The following CBLB variants were observed in gnomAD, a reference collection of about 807,000 sequenced individuals.
The protein encoded by CBLB is Cbl proto-oncogene B.
In CBLB, 31 loss-of-function variants were observed where a neutral mutation model predicts 104.9. The ratio of observed to expected loss-of-function variants is 0.30; its 90% confidence interval spans 0.22 to 0.40. The LOEUF (loss-of-function observed/expected upper bound fraction) is 0.40. Among genes scored for constraint, CBLB ranks in the 10% least tolerant of loss-of-function variants. CBLB has a pLI of 1.00. For synonymous variants in CBLB, 440 were observed against 422.6 expected (o/e 1.04, Z -0.51); for missense variants, 1,062 against 1,214.6 (o/e 0.87, Z 1.87).
At chr3:105,793,407 A>T (rs1436022726) in intron 3 of CBLB, among the ~76,000 whole-genome samples, 1 of 151,128 alleles carries the variant, frequency 6.6e-6, no homozygotes, top group Non-Finnish European at 1.5e-5. Context: ...GTCTTTTCAT[A>T]AGGAACTGAT....
intron 2 of CBLB, among the ~76,000 whole-genome samples, chr3:105,865,832 C>T (rs529494900): frequency 3.3e-4 from 51 of 152,250 alleles, no homozygotes; most frequent in African/African-American, 1.2e-3. Flanking sequence ...TGTCCACTTA[C>T]GTAGCAGATA....
rs1200851467 is a variant in CBLB, at chr3:105,693,554, T to C, written c.1994A>G (p.Tyr665Cys). ...FSNGHLGSEE[Y>C]DVPPRLSPPP... The stretch of plus-strand genomic sequence containing the variant: ...AGGAGAAAGCCGGGGAGGAACATCA[T>C]ATTCTTCACTTCCAAGGTGACCATT... The change falls in exon 13 of 19, where the codon TAT (tyrosine) becomes TGT (cysteine). Residue 665 changes from tyrosine (Y) to cysteine (C), a missense_variant. Coordinates refer to ENST00000394030, the MANE Select transcript of CBLB (RefSeq NM_170662.5). The C allele has an allele frequency of 3.7e-6, 6 of 1,612,552 alleles. No individual in the cohort carries two copies. In the East Asian group the frequency reaches 8.9e-5, roughly 24 times the overall value.
intron 12 of CBLB, among the ~76,000 whole-genome samples, chr3:105,693,843 T>C (rs1445339562): frequency 6.6e-6 from 1 of 152,016 alleles, no homozygotes; most frequent in South Asian, 2.1e-4. Context: ...ATAATTTATA[T>C]ACACCAGATA....
intron 13 of CBLB, among the ~76,000 whole-genome samples, chr3:105,687,808 C>T (rs2152743667): frequency 6.7e-6 from 1 of 148,686 alleles, no homozygotes; most frequent in South Asian, 2.1e-4. Context: ...TTAATCTTAT[C>T]CAGTTCTGAA....
chr3:105,813,543 A>T (rs1363463515), intron 3 of CBLB, among the ~76,000 whole-genome samples: 1 of 152,136 alleles, frequency 6.6e-6, no homozygotes, highest in Non-Finnish European at 1.5e-5. Flanking sequence ...ATTACCAACT[A>T]GTCTTTCAGT....
At chr3:105,708,546 T>G (rs900726886) in intron 10 of CBLB, among the ~76,000 whole-genome samples, 2 of 152,066 alleles carry the variant, frequency 1.3e-5, no homozygotes, top group African/African-American at 4.8e-5. Flanking sequence ...AAGAACAATT[T>G]TTTTTTGCAT....
rs116205252 is a variant in CBLB, at chr3:105,706,896, A to G, written c.1408-2723T>C. 3.8e-3 allele frequency among the ~76,000 whole-genome samples: 581 copies of G among 152,298 alleles called. 3 individuals carry two copies. The highest frequency in any genetic ancestry group is 6.7e-3 in the Non-Finnish European group (457 of 68,002). ...GCTGAATGAGACCTGTGCTCCTCCA[A>G]GCACTTTTTTTCTGCAAATATTTTC... On this transcript the variant is annotated intron_variant, in intron 10 of 18. Coordinates refer to ENST00000394030, the MANE Select transcript of CBLB (RefSeq NM_170662.5).
intron 3 of CBLB, among the ~76,000 whole-genome samples, chr3:105,810,358 C>T (rs1488994460): frequency 6.6e-6 from 1 of 151,890 alleles, no homozygotes; most frequent in Non-Finnish European, 1.5e-5. Context: ...ATTAAAATAC[C>T]TGGATTTTTT....
chr3:105,799,174 G>GAAAAAAAA (rs1471114207), intron 3 of CBLB, among the ~76,000 whole-genome samples: 1 of 35,134 alleles, frequency 2.8e-5, no homozygotes, highest in African/African-American at 1.3e-4. Context: ...TAATGACAAA[G>GAAAAAAAA]AACAAAAAAA....
At chr3:105,725,041 A>G (rs2073407103) in intron 9 of CBLB, among the ~76,000 whole-genome samples, 1 of 152,192 alleles carries the variant, frequency 6.6e-6, no homozygotes, top group Non-Finnish European at 1.5e-5. Flanking sequence ...AATAAAGGTG[A>G]AAAATAGCCG....
At chr3:105,739,068 C>A (rs2075266021) in intron 7 of CBLB, among the ~76,000 whole-genome samples, 1 of 152,076 alleles carries the variant, frequency 6.6e-6, no homozygotes, top group Admixed American at 6.6e-5. Context: ...CCACCATGCC[C>A]AGCTAATTTT....
At chr3:105,741,342 C>T (rs1269308380) in intron 6 of CBLB, among the ~76,000 whole-genome samples, 9 of 151,810 alleles carry the variant, frequency 5.9e-5, no homozygotes, top group African/African-American at 1.7e-4. Context: ...GCGTGTGCCA[C>T]GACGCCCAGC....
chr3:105,819,752 T>C (rs2085569679), intron 3 of CBLB, among the ~76,000 whole-genome samples: 1 of 152,130 alleles, frequency 6.6e-6, no homozygotes, highest in South Asian at 2.1e-4. Context: ...TTCCAAAACT[T>C]CATTGATACA....
In CBLB at chr3:105,720,317, T is replaced by C; in HGVS notation, c.1204-67A>G. On this transcript the variant is annotated intron_variant, in intron 9 of 18. Coordinates refer to ENST00000394030, the MANE Select transcript of CBLB (RefSeq NM_170662.5). ...AAACAGTACCGAGAAATGCTAATAATGTTCTACAACTATAAAAGTCACACC... is the reference window on the plus strand; with the variant it reads ...AAACAGTACCGAGAAATGCTAATAACGTTCTACAACTATAAAAGTCACACC... 2.8e-6 allele frequency: 4 copies of C among 1,424,066 alleles called. No homozygotes were observed. In the South Asian group the frequency reaches 4.9e-5, roughly 17 times the overall value. 88.2% of individuals were successfully genotyped at this position (1,424,066 alleles called of 1,614,324 possible).
At chr3:105,810,831 C>G (rs1004340884) in intron 3 of CBLB, among the ~76,000 whole-genome samples, 5 of 152,124 alleles carry the variant, frequency 3.3e-5, no homozygotes, top group Admixed American at 1.3e-4. Flanking sequence ...CCTGCTACTT[C>G]CAGGAAATAC....
At chr3:105,671,924 A>G (rs1008929211) in intron 17 of CBLB, 1 of 192,602 alleles carries the variant, frequency 5.2e-6, no homozygotes, top group Admixed American at 6.1e-5. Context: ...GATAAATCGC[A>G]TGAGACAATG....
At chr3:105,868,079 T>A (rs1706373011) in intron 1 of CBLB, 2 of 517,048 alleles carry the variant, frequency 3.9e-6, no homozygotes, top group Admixed American at 7.7e-5. Context: ...ATAAAGATTA[T>A]CCTACACAAA....
chr3:105,695,784 AC>A, intron 12 of CBLB, among the ~76,000 whole-genome samples: 1 of 151,882 alleles, frequency 6.6e-6, no homozygotes. Flanking sequence ...CTGTGTACTT[AC>A]GTTTTGTCAA....
intron 9 of CBLB, among the ~76,000 whole-genome samples, chr3:105,726,975 C>T (rs1158334299): frequency 6.6e-6 from 1 of 152,150 alleles, no homozygotes; most frequent in African/African-American, 2.4e-5. Context: ...GGGTTGGTTC[C>T]AAGTCTTTGC....
Sources: allele counts gnomAD v4.1 joint callset (sites outside exome capture counted in the v4.1 genomes callset), GRCh38; gene constraint gnomAD v4.1.1; transcripts MANE v1.5; gene names NCBI Gene and HGNC (gene_info 2026-07-23, HGNC 2026-07-21).